Variants in NME7 observed in about 807,000 individuals in gnomAD.
The protein encoded by NME7 is NME/NM23 family member 7, also known as nucleoside diphosphate kinase 7.
NME7 carries 41 observed loss-of-function variants against 49.1 expected under a neutral mutation model. The ratio of observed to expected loss-of-function variants is 0.83; its 90% CI spans 0.65 to 1.08. The LOEUF is 1.08. Among genes scored for constraint, NME7 ranks in the 50% least tolerant of loss-of-function variants. NME7 has a pLI of 0.00. For synonymous variants in NME7, 139 were observed against 150.6 expected, an observed-to-expected ratio of 0.92 and a Z score of 0.56; for missense variants, 423 against 463.4, an observed-to-expected ratio of 0.91 and a Z score of 0.80.
chr1:169,237,648 C>A lies in NME7; in HGVS notation c.794G>T (p.Gly265Val). 1 of 1,610,986 alleles carries A rather than the reference C, an allele frequency of 6.2e-7. No individual in the cohort carries two copies. The highest frequency in any genetic ancestry group is 8.5e-7 in the Non-Finnish European group (1 of 1,177,942). ...GKILMAIRDA[G>V]FEISAMQMFN... ...CATCTGCATAGCTGAGATTTCAAAA[C>A]CTGCATCTCGGATAGCCATCAGGAT... is the stretch of plus-strand genomic sequence containing the variant. Residue 265 changes from glycine (G) to valine (V), a missense_variant, in exon 8 of 12, where the codon GGT (glycine) becomes GTT (valine). Physicochemically the swap from Gly to Val is moderately radical, Grantham distance 109. Coordinates refer to ENST00000367811, the MANE Select transcript of NME7 (RefSeq NM_013330.5).
chr1:169,332,495 C>T (rs1439451850), intron 1 of NME7, among the ~76,000 whole-genome samples: 1 of 152,122 alleles, frequency 6.6e-6, no homozygotes, highest in East Asian at 1.9e-4. Flanking sequence ...TAAAAACCTT[C>T]TGCACAGCAA....
At chr1:169,150,141 T>C (rs1274872399) in intron 11 of NME7, among the ~76,000 whole-genome samples, 1 of 152,142 alleles carries the variant, frequency 6.6e-6, no homozygotes, top group African/African-American at 2.4e-5. Context: ...CACTGTACTC[T>C]AGCCTGGGTG....
rs1650515085 is a variant in NME7, at chr1:169,291,763, T to C, written c.649-4355A>G. ...ATCAAAGTAAGATCAGCAAAAAGAT[T>C]ATGACTCGCTGAAGGCTCAGATGAT... On this transcript the variant is annotated intron_variant, in intron 6 of 11. Coordinates refer to ENST00000367811, the MANE Select transcript of NME7 (RefSeq NM_013330.5). Among the ~76,000 whole-genome samples the C allele has an allele frequency of 2.6e-5, 4 of 152,192 alleles. No homozygotes were observed. The South Asian group carries it at 8.3e-4, about 32-fold the overall frequency.
intron 1 of NME7, among the ~76,000 whole-genome samples, chr1:169,333,504 A>AT (rs1456024465): frequency 3.9e-5 from 6 of 152,238 alleles, no homozygotes; most frequent in African/African-American, 1.4e-4. Context: ...TATCAAAAGG[A>AT]TAAATGTATC....
intron 7 of NME7, among the ~76,000 whole-genome samples, chr1:169,243,827 G>C (rs1441458530): frequency 6.6e-6 from 1 of 152,112 alleles, no homozygotes; most frequent in Non-Finnish European, 1.5e-5. Context: ...CTAAGATAAT[G>C]CCTATGAGGA....
intron 7 of NME7, among the ~76,000 whole-genome samples, chr1:169,265,591 C>T (rs1439208330): frequency 7.6e-6 from 1 of 132,182 alleles, no homozygotes; most frequent in African/African-American, 2.6e-5. Context: ...CAAGAACAAA[C>T]CAACCCCAAA....
At chr1:169,232,414 C>T (rs1038169367) in intron 9 of NME7, among the ~76,000 whole-genome samples, 2 of 152,012 alleles carry the variant, frequency 1.3e-5, no homozygotes, top group African/African-American at 2.4e-5. Context: ...GTGCTAAAAA[C>T]TTTCCAAATT....
At chr1:169,203,298 T>C (rs1186592048) in intron 10 of NME7, among the ~76,000 whole-genome samples, 1 of 152,206 alleles carries the variant, frequency 6.6e-6, no homozygotes, top group African/African-American at 2.4e-5. Context: ...AAAGTCTTTG[T>C]ATTCAACTGT....
intron 1 of NME7, among the ~76,000 whole-genome samples, chr1:169,331,879 T>G (rs1652268586): frequency 6.6e-6 from 1 of 151,794 alleles, no homozygotes; most frequent in Non-Finnish European, 1.5e-5. Flanking sequence ...TGTTAAAATG[T>G]CCACACTACC....
intron 11 of NME7, among the ~76,000 whole-genome samples, chr1:169,133,559 T>C (rs1473097175): frequency 6.6e-6 from 1 of 152,206 alleles, no homozygotes; most frequent in African/African-American, 2.4e-5. Flanking sequence ...TTGCTATTTC[T>C]AGAGCAACAA....
intron 1 of NME7, among the ~76,000 whole-genome samples, chr1:169,360,877 G>GA (rs912430732): frequency 1.3e-5 from 2 of 151,806 alleles, no homozygotes; most frequent in African/African-American, 4.8e-5. Context: ...TCAAACTAAG[G>GA]AAAAAAACAA....
In NME7 at chr1:169,248,580, T is replaced by G. The variant is rs201172764; in HGVS notation, c.755-10893A>C. Among the ~76,000 whole-genome samples the G allele has an allele frequency of 3.3e-5, 5 of 152,264 alleles. No homozygotes were observed. In the East Asian group the frequency reaches 9.6e-4, roughly 29 times the overall value. On this transcript the variant is annotated intron_variant, in intron 7 of 11. Transcript: ENST00000367811. Reference sequence around the variant, plus strand: ...AGCCAATGTCCAGAATAGTTTTTCCTAGGTTATCTTCTATAATTTTTATAG... The same window carrying G: ...AGCCAATGTCCAGAATAGTTTTTCCGAGGTTATCTTCTATAATTTTTATAG...
intron 10 of NME7, among the ~76,000 whole-genome samples, chr1:169,175,143 C>A (rs1571264775): frequency 2.0e-5 from 3 of 151,700 alleles, no homozygotes; most frequent in Admixed American, 2.0e-4. Flanking sequence ...TCTTTTGAAA[C>A]CTTTCTGTTA....
At chr1:169,253,757 G>A (rs1648755595) in intron 7 of NME7, among the ~76,000 whole-genome samples, 2 of 151,988 alleles carry the variant, frequency 1.3e-5, no homozygotes, top group East Asian at 3.9e-4. Flanking sequence ...AATTTATTGA[G>A]AGTTTTTAGC....
intron 10 of NME7, among the ~76,000 whole-genome samples, chr1:169,208,112 T>G (rs1054791935): frequency 4.6e-5 from 7 of 152,174 alleles, no homozygotes; most frequent in African/African-American, 1.7e-4. Context: ...TACACAAATC[T>G]GCTTAACTTC....
At chr1:169,176,226 G>A (rs1207413530) in intron 10 of NME7, among the ~76,000 whole-genome samples, 2 of 152,100 alleles carry the variant, frequency 1.3e-5, no homozygotes, top group Non-Finnish European at 2.9e-5. Context: ...GGAAGCCAGG[G>A]AGAGACCCAG....
chr1:169,341,383 T>A (rs1190324678), intron 1 of NME7, among the ~76,000 whole-genome samples: 1 of 152,100 alleles, frequency 6.6e-6, no homozygotes, highest in South Asian at 2.1e-4. Context: ...TTTCAGAGGA[T>A]GTATGAAAAC....
At chr1:169,327,599 T>C (rs991262188) in intron 1 of NME7, among the ~76,000 whole-genome samples, 1 of 152,200 alleles carries the variant, frequency 6.6e-6, no homozygotes, top group Non-Finnish European at 1.5e-5. Context: ...TCTTACTCGA[T>C]GGTAAGTAAC....
chr1:169,330,069 T>C (rs1327914677), intron 1 of NME7, among the ~76,000 whole-genome samples: 1 of 152,106 alleles, frequency 6.6e-6, no homozygotes, highest in Non-Finnish European at 1.5e-5. Context: ...AAAAAGACTG[T>C]TACCCTATAA....
Sources: allele counts gnomAD v4.1 joint callset (sites outside exome capture counted in the v4.1 genomes callset), GRCh38; gene constraint gnomAD v4.1.1; transcripts MANE v1.5; gene names NCBI Gene and HGNC (gene_info 2026-07-23, HGNC 2026-07-21).